KHDRBS2: variants seen among roughly 807,000 people sequenced by gnomAD.
KHDRBS2 encodes the protein KH RNA binding domain containing, signal transduction associated 2.
In KHDRBS2, 26 loss-of-function variants were observed where a neutral mutation model predicts 44.3. That is an observed-to-expected ratio of 0.59 (90% confidence interval 0.43 to 0.81). The LOEUF (loss-of-function observed/expected upper bound fraction) is 0.81, where lower values mean the gene tolerates loss of function less well. Ranked by LOEUF, KHDRBS2 falls within the 40% of genes least tolerant of loss-of-function variation. KHDRBS2 has a pLI of 0.00. For missense variants in KHDRBS2, 476 were observed against 433.1 expected, an observed-to-expected ratio of 1.10 and a Z score of -0.88; for synonymous variants, 194 against 151.1, an observed-to-expected ratio of 1.28 and a Z score of -2.08.
At chr6:62,211,434 G>C (rs556624212) in intron 1 of KHDRBS2, among the ~76,000 whole-genome samples, 3 of 152,056 alleles carry the variant, frequency 2.0e-5, no homozygotes, top group African/African-American at 7.2e-5. Context: ...CATGATTTCT[G>C]GTTGATAAGA....
At chr6:61,632,042 G>T in the KHDRBS2 span, among the ~76,000 whole-genome samples, 1 of 152,122 alleles carries the variant, frequency 6.6e-6, no homozygotes, top group African/African-American at 2.4e-5. Context: ...CTAGATGAAG[G>T]TACTAGTGTC....
chr6:61,795,144 CAAAAAAAAAAAAA>C (rs1166333660), intron 6 of KHDRBS2, among the ~76,000 whole-genome samples: 1 of 59,670 alleles, frequency 1.7e-5, no homozygotes, highest in Non-Finnish European at 3.2e-5. Flanking sequence ...GACTCCGTCT[CAAAAAAAAAAAAA>C]AAAAAAAAAA....
chr6:61,611,401 T>C, the KHDRBS2 span, among the ~76,000 whole-genome samples: 1 of 152,188 alleles, frequency 6.6e-6, no homozygotes, highest in Non-Finnish European at 1.5e-5. Context: ...AAGGCTAAAG[T>C]AAATACTCTT....
chr6:61,619,520 C>T, the KHDRBS2 span, among the ~76,000 whole-genome samples: 18 of 152,176 alleles, frequency 1.2e-4, 1 homozygote, highest in African/African-American at 4.1e-4. Flanking sequence ...AATGGTGCAA[C>T]CTCAGCTCAC....
intron 1 of KHDRBS2, among the ~76,000 whole-genome samples, chr6:62,209,134 G>A (rs1365462518): frequency 1.3e-5 from 2 of 152,108 alleles, no homozygotes; most frequent in Admixed American, 6.5e-5. Context: ...AATTTATAAA[G>A]AGCTCCAACA....
intron 2 of KHDRBS2, among the ~76,000 whole-genome samples, chr6:62,075,257 A>G (rs1471388379): frequency 1.3e-5 from 2 of 151,888 alleles, no homozygotes; most frequent in Non-Finnish European, 2.9e-5. Context: ...CCCTTATAAA[A>G]GAGGCCTGAG....
In KHDRBS2 at chr6:61,751,030, T is replaced by C. The variant is rs144647524; in HGVS notation, c.811-18266A>G. Among the ~76,000 whole-genome samples the C allele has an allele frequency of 2.4e-4, 37 of 152,248 alleles. 1 individual carries two copies. In the East Asian group the frequency reaches 4.2e-3, roughly 17 times the overall value. On this transcript the variant is annotated intron_variant, in intron 6 of 8. Transcript: ENST00000281156. The stretch of plus-strand genomic sequence containing the variant: ...TCATAATATAGTAAAAGAACTTTGA[T>C]TGATATATTTTAAGACCTGTACTAA...
In KHDRBS2 at chr6:62,059,321, C is replaced by T. The variant is rs1791138198; in HGVS notation, c.220-11327G>A. On this transcript the variant is annotated intron_variant, in intron 2 of 8. Coordinates refer to ENST00000281156, the MANE Select transcript of KHDRBS2 (RefSeq NM_152688.4). ...GAAACAAGTTCCAAAAAAGAAAAAA[C>T]ATATGGGGCAGATGTAGTGGAGCAG... Among the ~76,000 whole-genome samples the T allele has an allele frequency of 8.2e-5, 11 of 134,172 alleles. No homozygotes were observed. The South Asian group carries it at 2.6e-3, about 32-fold the overall frequency. The allele number at this position is 134,172 out of a possible 152,430, so 88.0% of individuals were successfully genotyped here. A position where few individuals can be genotyped will look rare whatever the true frequency, so the allele number is the denominator to read the frequency against.
chr6:61,935,483 T>C (rs184743155), intron 4 of KHDRBS2, among the ~76,000 whole-genome samples: 71 of 152,296 alleles, frequency 4.7e-4, no homozygotes, highest in African/African-American at 1.7e-3. Flanking sequence ...AACAATACTT[T>C]GCATTGCAGA....
At chr6:61,600,155 C>T in the KHDRBS2 span, among the ~76,000 whole-genome samples, 1 of 152,148 alleles carries the variant, frequency 6.6e-6, no homozygotes, top group Admixed American at 6.5e-5. Flanking sequence ...ATGGGTTCCA[C>T]AGGCTAACAC....
At chr6:61,556,602 C>A in the KHDRBS2 span, among the ~76,000 whole-genome samples, 11 of 151,956 alleles carry the variant, frequency 7.2e-5, no homozygotes, top group African/African-American at 2.4e-4. Flanking sequence ...TGGAGTTTAG[C>A]CAAAAAAGAA....
At chr6:62,199,279 G>GA (rs1826382560) in intron 1 of KHDRBS2, among the ~76,000 whole-genome samples, 1 of 151,996 alleles carries the variant, frequency 6.6e-6, no homozygotes, top group Admixed American at 6.6e-5. Context: ...ATTCAATTAG[G>GA]AAAAAAGGAA....
chr6:61,853,631 T>A (rs554703641), intron 6 of KHDRBS2, among the ~76,000 whole-genome samples: 3 of 152,306 alleles, frequency 2.0e-5, no homozygotes, highest in South Asian at 2.1e-4. Flanking sequence ...TAACAACATT[T>A]TATAATTGCT....
intron 1 of KHDRBS2, among the ~76,000 whole-genome samples, chr6:62,188,852 G>A (rs1356464447): frequency 2.0e-5 from 3 of 152,136 alleles, no homozygotes; most frequent in African/African-American, 4.8e-5. Flanking sequence ...GGTGGCTCAC[G>A]CCTGTAATCC....
chr6:62,265,636 A>G (rs1441834072), intron 1 of KHDRBS2, among the ~76,000 whole-genome samples: 1 of 152,054 alleles, frequency 6.6e-6, no homozygotes, highest in Non-Finnish European at 1.5e-5. Flanking sequence ...TATAAATATT[A>G]CAATAGTAAA....
intron 2 of KHDRBS2, among the ~76,000 whole-genome samples, chr6:62,165,102 T>C (rs1818401541): frequency 6.6e-6 from 1 of 151,936 alleles, no homozygotes; most frequent in East Asian, 1.9e-4. Flanking sequence ...ATGACTTTCC[T>C]TGTGCAGAAG....
the KHDRBS2 span, among the ~76,000 whole-genome samples, chr6:61,608,599 C>T: frequency 1.3e-5 from 2 of 151,792 alleles, no homozygotes; most frequent in Non-Finnish European, 2.9e-5. Context: ...ATCCCCCACC[C>T]CCCAACAGGC....
intron 6 of KHDRBS2, among the ~76,000 whole-genome samples, chr6:61,758,534 A>G (rs1264838807): frequency 6.6e-6 from 1 of 152,034 alleles, no homozygotes; most frequent in East Asian, 1.9e-4. Flanking sequence ...AATAAACAAA[A>G]CTTCAAGTTG....
rs570006320 is a variant in KHDRBS2, at chr6:62,092,937, A to C, written c.220-44943T>G. On this transcript the variant is annotated intron_variant, in intron 2 of 8. Coordinates refer to ENST00000281156, the MANE Select transcript of KHDRBS2 (RefSeq NM_152688.4). ...CCATCAAGAATCATCAGACAGGTTA[A>C]TTTTTAAAGGGCTGATAGCAAGATT... Among the ~76,000 whole-genome samples the C allele has an allele frequency of 2.0e-5, 3 of 152,204 alleles. No individual in the cohort carries two copies. In the East Asian group the frequency reaches 5.8e-4, roughly 29 times the overall value.
Sources: allele counts gnomAD v4.1 joint callset (sites outside exome capture counted in the v4.1 genomes callset), GRCh38; gene constraint gnomAD v4.1.1; transcripts MANE v1.5; gene names NCBI Gene and HGNC (gene_info 2026-07-23, HGNC 2026-07-21).